CNTNAP2: variants seen among roughly 807,000 people sequenced by gnomAD.
The protein encoded by CNTNAP2 is contactin-associated protein-like 2.
Under a neutral mutation model 155.2 loss-of-function variants are expected in CNTNAP2, and 98 were observed. That is an observed-to-expected ratio of 0.63 (90% confidence interval 0.54 to 0.75). The LOEUF is 0.75. Ranked by LOEUF, CNTNAP2 falls within the 30% of genes least tolerant of loss-of-function variation. CNTNAP2 has a pLI of 0.00. For missense variants in CNTNAP2, 1,727 were observed against 1,688.1 expected (o/e 1.02, Z -0.40); for synonymous variants, 651 against 631.2 (o/e 1.03, Z -0.47).
intron 1 of CNTNAP2, among the ~76,000 whole-genome samples, chr7:146,588,290 G>GAATTC (rs1446015042): frequency 7.9e-5 from 12 of 152,044 alleles, no homozygotes; most frequent in Non-Finnish European, 1.5e-4. Flanking sequence ...TTTAGAGTGG[G>GAATTC]AATTCATAAG....
chr7:147,547,366 C>T (rs1486358726), intron 11 of CNTNAP2, among the ~76,000 whole-genome samples: 1 of 152,064 alleles, frequency 6.6e-6, no homozygotes, highest in Admixed American at 6.6e-5. Flanking sequence ...CCTTGCTCTT[C>T]ACCAGCCACT....
intron 1 of CNTNAP2, among the ~76,000 whole-genome samples, chr7:146,364,282 G>A (rs1795124809): frequency 1.3e-5 from 2 of 152,064 alleles, no homozygotes; most frequent in South Asian, 2.1e-4. Flanking sequence ...ACTCCAAAGC[G>A]TGATCAGAGA....
At chr7:146,137,125 T>G (rs1451349264) in intron 1 of CNTNAP2, among the ~76,000 whole-genome samples, 1 of 152,208 alleles carries the variant, frequency 6.6e-6, no homozygotes, top group African/African-American at 2.4e-5. Context: ...TGGGGTATCC[T>G]TTATAGAGTA....
intron 1 of CNTNAP2, among the ~76,000 whole-genome samples, chr7:146,287,580 C>T (rs929519186): frequency 6.6e-6 from 1 of 152,174 alleles, no homozygotes; most frequent in African/African-American, 2.4e-5. Context: ...AGGGAGAGAG[C>T]TTTCAACAGA....
At chr7:146,709,825 C>T (rs985967976) in intron 1 of CNTNAP2, among the ~76,000 whole-genome samples, 1 of 152,014 alleles carries the variant, frequency 6.6e-6, no homozygotes, top group African/African-American at 2.4e-5. Flanking sequence ...AAAGGGCGGC[C>T]GGAGGGAAAA....
At chr7:147,755,429 C>T (rs979055863) in intron 13 of CNTNAP2, among the ~76,000 whole-genome samples, 12 of 152,274 alleles carry the variant, frequency 7.9e-5, no homozygotes, top group South Asian at 2.1e-4. Flanking sequence ...CCAAGGCAGG[C>T]GGATCACTTG....
chr7:146,695,030 C>T (rs1362600590), intron 1 of CNTNAP2, among the ~76,000 whole-genome samples: 6 of 152,104 alleles, frequency 3.9e-5, no homozygotes, highest in Non-Finnish European at 5.9e-5. Context: ...ATGACATTTG[C>T]ATACTAAGGT....
At chr7:147,527,836 T>C (rs887736938) in intron 11 of CNTNAP2, among the ~76,000 whole-genome samples, 10 of 152,142 alleles carry the variant, frequency 6.6e-5, no homozygotes, top group Non-Finnish European at 1.2e-4. Flanking sequence ...GGCCTGAGAC[T>C]AGGAGAAGGA....
At chr7:147,626,528 G>A (rs1794981051) in intron 12 of CNTNAP2, among the ~76,000 whole-genome samples, 1 of 152,096 alleles carries the variant, frequency 6.6e-6, no homozygotes, top group Non-Finnish European at 1.5e-5. Context: ...GACCTGATAG[G>A]ATTTCTTTAC....
At chr7:147,613,548 A>G (rs993030082) in intron 12 of CNTNAP2, among the ~76,000 whole-genome samples, 2 of 152,154 alleles carry the variant, frequency 1.3e-5, no homozygotes, top group East Asian at 1.9e-4. Context: ...TTAAGAAATA[A>G]TAGAAAAAGC....
intron 8 of CNTNAP2, among the ~76,000 whole-genome samples, chr7:147,192,768 C>A (rs1326585894): frequency 6.6e-6 from 1 of 152,164 alleles, no homozygotes; most frequent in African/African-American, 2.4e-5. Flanking sequence ...TGTCGTTTGG[C>A]ATTTTGAGGA....
At chr7:148,251,300 T>TAAAGGATAC (rs1352479301) in intron 20 of CNTNAP2, among the ~76,000 whole-genome samples, 4 of 152,186 alleles carry the variant, frequency 2.6e-5, no homozygotes, top group Non-Finnish European at 5.9e-5. Flanking sequence ...AGTTTTACTA[T>TAAAGGATAC]AAAGGATACA....
intron 1 of CNTNAP2, among the ~76,000 whole-genome samples, chr7:146,554,331 A>C (rs1469146027): frequency 6.6e-6 from 1 of 152,102 alleles, no homozygotes; most frequent in Non-Finnish European, 1.5e-5. Flanking sequence ...AAACCCTTAG[A>C]TTGGGTTCAT....
At chr7:148,112,919 T>C (rs1804385096) in intron 15 of CNTNAP2, among the ~76,000 whole-genome samples, 1 of 151,696 alleles carries the variant, frequency 6.6e-6, no homozygotes, top group South Asian at 2.1e-4. Context: ...TGAGAAGGTG[T>C]CTCTAAGGAA....
chr7:147,763,881 T>C (rs931217591), intron 13 of CNTNAP2, among the ~76,000 whole-genome samples: 1 of 151,960 alleles, frequency 6.6e-6, no homozygotes, highest in Non-Finnish European at 1.5e-5. Context: ...AGCAAGTATC[T>C]GGCATCCCTG....
At chr7:148,397,712 C>T (rs1329721368) in intron 22 of CNTNAP2, among the ~76,000 whole-genome samples, 2 of 152,230 alleles carry the variant, frequency 1.3e-5, no homozygotes, top group African/African-American at 2.4e-5. Flanking sequence ...CAGAGCCACA[C>T]GGCTCATGCC....
chr7:146,734,415 TAAA>T (rs1398668618), intron 1 of CNTNAP2, among the ~76,000 whole-genome samples: 3 of 151,862 alleles, frequency 2.0e-5, no homozygotes. Context: ...ATAATAACAA[TAAA>T]AAAGCATAAA....
intron 10 of CNTNAP2, among the ~76,000 whole-genome samples, chr7:147,423,139 CTTT>C (rs956896066): frequency 6.6e-5 from 10 of 152,126 alleles, no homozygotes; most frequent in African/African-American, 2.4e-4. Context: ...ATAAGGACTT[CTTT>C]TAATTGCAAG....
At chr7:146,604,227 GA>G (rs1353215565) in intron 1 of CNTNAP2, among the ~76,000 whole-genome samples, 6 of 49,014 alleles carry the variant, frequency 1.2e-4, no homozygotes, top group East Asian at 3.0e-4. Flanking sequence ...AAATTTACAA[GA>G]AAAAAACAAA....
Sources: gnomAD v4.1 joint callset for allele counts (sites outside exome capture counted in the v4.1 genomes callset) on GRCh38, gnomAD v4.1.1 for gene constraint, MANE v1.5 for transcripts, NCBI Gene and HGNC (gene_info 2026-07-23, HGNC 2026-07-21) for gene names.